Variants in ADAM7 observed in about 807,000 individuals in gnomAD.
The protein encoded by ADAM7 is disintegrin and metalloproteinase domain-containing protein 7.
A neutral mutation model predicts 102.9 loss-of-function variants in ADAM7; 97 were observed. The ratio of observed to expected loss-of-function variants is 0.94; its 90% CI spans 0.80 to 1.12. The LOEUF is 1.12. Among genes scored for constraint, ADAM7 ranks in the 50% most tolerant of loss-of-function variants. The probability of loss-of-function intolerance (pLI) is 0.00; values close to 1 mark genes in which losing one functional copy is unlikely to be tolerated. For missense variants in ADAM7, 991 were observed against 908.7 expected (o/e 1.09, Z -1.16); for synonymous variants, 334 against 304.4 (o/e 1.10, Z -1.01).
intron 7 of ADAM7, among the ~76,000 whole-genome samples, chr8:24,470,935 T>C (rs930259124): frequency 1.3e-5 from 2 of 152,156 alleles, no homozygotes; most frequent in Non-Finnish European, 2.9e-5. Context: ...AAGGCATTGT[T>C]ATCAGAGGAG....
At chr8:24,503,859 C>G (rs2129397255) in intron 20 of ADAM7, among the ~76,000 whole-genome samples, 1 of 151,980 alleles carries the variant, frequency 6.6e-6, no homozygotes, top group South Asian at 2.1e-4. Flanking sequence ...GAAAACATCA[C>G]ACACTGAGGC....
rs1284999514 is a variant in ADAM7, at chr8:24,466,787, C to G, written c.390-12C>G. 6.2e-7 allele frequency: 1 copy of G among 1,606,282 alleles called. No individual in the cohort carries two copies. The highest frequency in any genetic ancestry group is 8.5e-7 in the Non-Finnish European group (1 of 1,177,434). ...AGGCCTTGAATACAAATTGTGTTCC[C>G]AATTTCTACAGGGGATTCTTCAGAA... On this transcript the variant is annotated splice_polypyrimidine_tract_variant and intron_variant, in intron 5 of 21. Transcript: ENST00000175238.
intron 8 of ADAM7, among the ~76,000 whole-genome samples, chr8:24,481,365 C>G (rs1212743640): frequency 6.6e-6 from 1 of 152,242 alleles, no homozygotes; most frequent in Admixed American, 6.6e-5. Context: ...TGCCTAGTAA[C>G]ATTGTATGAA....
At chr8:24,471,522 C>T (rs534705827) in intron 7 of ADAM7, among the ~76,000 whole-genome samples, 1 of 150,938 alleles carries the variant, frequency 6.6e-6, no homozygotes, top group Admixed American at 6.6e-5. Flanking sequence ...TGTTTGCATA[C>T]ACAAAAAGCA....
At chr8:24,469,016 C>T (rs1446355570) in intron 7 of ADAM7, among the ~76,000 whole-genome samples, 196 bp downstream of exon 7, 1 of 152,060 alleles carries the variant, frequency 6.6e-6, no homozygotes, top group East Asian at 1.9e-4. Context: ...CAAAATAGAA[C>T]ACCCCTCCCC....
chr8:24,468,896 A>G (rs1429268769), intron 7 of ADAM7, 76 bp downstream of exon 7: 1 of 1,347,348 alleles, frequency 7.4e-7, no homozygotes, highest in African/African-American at 1.5e-5. Flanking sequence ...CATAGAGAGA[A>G]AGGTATTCTA....
chr8:24,508,607 G>A lies in ADAM7; in HGVS notation c.*61G>A, dbSNP rs1252762258. The A allele has an allele frequency of 1.1e-5, 18 of 1,612,626 alleles. No individual in the cohort carries two copies. In the South Asian group the frequency reaches 1.2e-4, roughly 11 times the overall value. ...TTAGGCTGGGGATTCTGGATGCAAC[G>A]TCTTTACAACCTTACCTAGATATCT... is the stretch of plus-strand genomic sequence containing the variant. On this transcript the variant is annotated 3_prime_UTR_variant, in exon 22 of 22. Coordinates refer to ENST00000175238, the MANE Select transcript of ADAM7 (RefSeq NM_003817.4).
Position 24,482,888 on chromosome 8 carries a change from T to G in ADAM7, c.875+577T>G, listed in dbSNP as rs561819041. Among the ~76,000 whole-genome samples, 5 of 152,312 alleles carry G rather than the reference T, an allele frequency of 3.3e-5. 1 individual carries two copies. The highest frequency in any genetic ancestry group is 9.6e-5 in the African/African-American group (4 of 41,568). ...ATGCCATTAGGTAAGCAAAGTGCTTTTAGAATCCATGTTACATTTTTTATC... is the reference window on the plus strand; with the variant it reads ...ATGCCATTAGGTAAGCAAAGTGCTTGTAGAATCCATGTTACATTTTTTATC... On this transcript the variant is annotated intron_variant, in intron 9 of 21. Coordinates refer to ENST00000175238, the MANE Select transcript of ADAM7 (RefSeq NM_003817.4).
chr8:24,475,933 G>T (rs1445751018), intron 7 of ADAM7: 2 of 456,426 alleles, frequency 4.4e-6, no homozygotes, highest in African/African-American at 4.0e-5. Context: ...TTCCTGGAGG[G>T]AAGGGGTAGC....
intron 6 of ADAM7, chr8:24,467,360 C>CT (rs1395468900): frequency 1.8e-5 from 5 of 273,164 alleles, no homozygotes; most frequent in Non-Finnish European, 2.7e-5. Context: ...ATGTTCTCCC[C>CT]TTTTTATCAT....
chr8:24,469,263 T>C (rs996545280), intron 7 of ADAM7, among the ~76,000 whole-genome samples: 4 of 152,048 alleles, frequency 2.6e-5, no homozygotes, highest in Non-Finnish European at 4.4e-5. Context: ...ATACTGAAAT[T>C]TGGAAATGAG....
chr8:24,486,863 A>G (rs1036560534), intron 10 of ADAM7, among the ~76,000 whole-genome samples: 2 of 152,094 alleles, frequency 1.3e-5, no homozygotes, highest in Non-Finnish European at 2.9e-5. Flanking sequence ...TTGAAGAGGT[A>G]AAAATCATAA....
chr8:24,478,507 T>A lies in ADAM7; in HGVS notation c.705+2003T>A, dbSNP rs142841980. 4.6e-3 allele frequency among the ~76,000 whole-genome samples: 706 copies of A among 152,276 alleles called. 4 individuals carry two copies. The highest frequency in any genetic ancestry group is 0.016 in the African/African-American group (672 of 41,540). On this transcript the variant is annotated intron_variant, in intron 8 of 21. Coordinates refer to ENST00000175238, the MANE Select transcript of ADAM7 (RefSeq NM_003817.4). ...TAAGCTCCCTTTATCTTTGTTCTGTTTCATAACCTAAATATACTAGTGAAA... is the reference window on the plus strand; with the variant it reads ...TAAGCTCCCTTTATCTTTGTTCTGTATCATAACCTAAATATACTAGTGAAA...
At chr8:24,490,605 G>A in intron 12 of ADAM7, 194 bp from the exon 13 acceptor site, 1 of 563,276 alleles carries the variant, frequency 1.8e-6, no homozygotes, top group Non-Finnish European at 3.2e-6. Context: ...GTACCAAACA[G>A]CACGAGAGAA....
chr8:24,450,308 T>C (rs1818732745), intron 3 of ADAM7, among the ~76,000 whole-genome samples: 1 of 152,202 alleles, frequency 6.6e-6, no homozygotes, highest in Non-Finnish European at 1.5e-5. Flanking sequence ...CATTTCTTTG[T>C]ATCCTCTTTT....
rs10098104 is a variant in ADAM7 at position 24,442,926 on chromosome 8, T to C, written c.156+350T>C. On this transcript the variant is annotated intron_variant, in intron 2 of 21. Coordinates refer to ENST00000175238, the MANE Select transcript of ADAM7 (RefSeq NM_003817.4). ...GAGGTCTGGTATGCAAGGTTTTTGT[T>C]TATAGAGTCTGCAGCAAAGATGTGC... Among the ~76,000 whole-genome samples, 503 of 152,240 alleles carry C rather than the reference T, an allele frequency of 3.3e-3. 3 individuals are homozygous for C. The highest frequency in any genetic ancestry group is 0.012 in the African/African-American group (479 of 41,524).
chr8:24,508,320 C>G (rs1404413155), intron 21 of ADAM7, among the ~76,000 whole-genome samples: 1 of 152,118 alleles, frequency 6.6e-6, no homozygotes, highest in African/African-American at 2.4e-5. Context: ...TGTTTGGCAT[C>G]CCATAATGGA....
chr8:24,490,736 A>AC, intron 12 of ADAM7, 63 bp from the exon 13 acceptor site: 1 of 1,505,888 alleles, frequency 6.6e-7, no homozygotes, highest in Non-Finnish European at 9.1e-7. Context: ...CAACTAATTA[A>AC]TTCTTCAAAC....
At chr8:24,463,816 T>C (rs1170104756) in intron 3 of ADAM7, 66 bp from the exon 4 acceptor site, 2 of 1,345,368 alleles carry the variant, frequency 1.5e-6, no homozygotes, top group Non-Finnish European at 2.1e-6. Flanking sequence ...TCCATCACAT[T>C]ATAGGTTTTA....
Sources: gnomAD v4.1 joint callset for allele counts (sites outside exome capture counted in the v4.1 genomes callset) on GRCh38, gnomAD v4.1.1 for gene constraint, MANE v1.5 for transcripts, NCBI Gene and HGNC (gene_info 2026-07-23, HGNC 2026-07-21) for gene names.